LARGE1: variants seen among roughly 807,000 people sequenced by gnomAD.
LARGE1 encodes xylosyl- and glucuronyltransferase LARGE1.
A neutral mutation model predicts 87.6 loss-of-function variants in LARGE1; 43 were observed. The observed-to-expected ratio is 0.49, with a 90% CI of 0.38 to 0.63. LARGE1 has a LOEUF of 0.63. Among genes scored for constraint, LARGE1 ranks in the 30% least tolerant of loss-of-function variants. The pLI is 0.00. For synonymous variants in LARGE1, 434 were observed against 394.6 expected, an observed-to-expected ratio of 1.10 and a Z score of -1.18; for missense variants, 802 against 1,000.2, an observed-to-expected ratio of 0.80 and a Z score of 2.67.
At chr22:33,487,788 G>C (rs530355844) in intron 6 of LARGE1, among the ~76,000 whole-genome samples, 3 of 152,140 alleles carry the variant, frequency 2.0e-5, no homozygotes, top group Non-Finnish European at 2.9e-5. Context: ...GCTGCTCACT[G>C]ACGGCAAGAC....
chr22:33,292,651 G>T (rs545188062), intron 12 of LARGE1, among the ~76,000 whole-genome samples: 1 of 152,292 alleles, frequency 6.6e-6, no homozygotes, highest in Admixed American at 6.5e-5. Context: ...CTGACATATG[G>T]GATTGGAGCC....
Position 33,381,993 on chromosome 22 carries a change from G to A in LARGE1, c.1057C>T (p.Pro353Ser). Residue 353 changes from proline (P) to serine (S), a missense_variant, in exon 9 of 15, where the codon CCC becomes TCC. This residue lies in a region of LARGE1 where 625 missense variants were observed against 841.9 expected (regional missense o/e 0.74). Transcript: ENST00000397394. ...KQNPFLVYQL[P>S]CFWNVQLSDH... ...GACAGCTGCACATTCCAGAAGCAGG[G>A]GAGCTGGTACACAAGGAAGGGGTTT... The A allele has an allele frequency of 6.2e-7, 1 of 1,614,134 alleles. No homozygotes were observed. The highest frequency in any genetic ancestry group is 2.2e-5 in the East Asian group (1 of 44,864).
chr22:33,916,294 AAAAC>A lies in LARGE1; in HGVS notation c.-83+3697_-83+3700del, dbSNP rs757391744. 3.2e-3 allele frequency among the ~76,000 whole-genome samples: 493 copies of A among 152,128 alleles called. 6 individuals are homozygous for A. Among genetic ancestry groups the A allele is most frequent in the East Asian group, 3.1e-3 (16 of 5,178 alleles). On this transcript the variant is annotated intron_variant, in intron 1 of 14. Transcript: ENST00000397394. ...AGACTCCATCTCAAAAAAAAAAGAA[AAAAC>A]AAACAAACAAACAAATAGCTGAATG...
the LARGE1 span, among the ~76,000 whole-genome samples, chr22:33,136,504 A>G: frequency 3.3e-5 from 5 of 152,166 alleles, no homozygotes; most frequent in Non-Finnish European, 2.9e-5. Context: ...GGGAGCTACA[A>G]TTCAAGATGA....
chr22:33,446,535 C>T (rs979928846), intron 6 of LARGE1, among the ~76,000 whole-genome samples: 4 of 152,286 alleles, frequency 2.6e-5, no homozygotes, highest in African/African-American at 7.2e-5. Context: ...AATTGCAGGA[C>T]ACTTAGTGGG....
chr22:33,538,577 T>G (rs751450691), intron 6 of LARGE1, among the ~76,000 whole-genome samples: 1 of 152,198 alleles, frequency 6.6e-6, no homozygotes, highest in Non-Finnish European at 1.5e-5. Context: ...ATCAATTTAC[T>G]GAGCCCAGTG....
chr22:33,120,199 A>T, the LARGE1 span, among the ~76,000 whole-genome samples: 1 of 152,088 alleles, frequency 6.6e-6, no homozygotes, highest in African/African-American at 2.4e-5. Flanking sequence ...TACACTCTTA[A>T]GTCTTTTCTC....
intron 10 of LARGE1, among the ~76,000 whole-genome samples, chr22:33,337,177 G>T (rs183609630): frequency 1.3e-5 from 2 of 152,102 alleles, no homozygotes; most frequent in African/African-American, 2.4e-5. Context: ...TAGCTATGGC[G>T]GTGACTTAGT....
chr22:33,742,192 T>C (rs553057863), intron 2 of LARGE1, among the ~76,000 whole-genome samples: 8 of 152,260 alleles, frequency 5.3e-5, no homozygotes, highest in Admixed American at 2.6e-4. Context: ...GGGAAAGTCA[T>C]TGAACCTCTG....
At chr22:33,438,080 A>G (rs2067337392) in intron 6 of LARGE1, among the ~76,000 whole-genome samples, 1 of 152,162 alleles carries the variant, frequency 6.6e-6, no homozygotes, top group Non-Finnish European at 1.5e-5. Flanking sequence ...ACCAGGTGAC[A>G]GCATGGATGA....
At chr22:33,914,802 A>G (rs1181044389) in intron 1 of LARGE1, among the ~76,000 whole-genome samples, 2 of 152,144 alleles carry the variant, frequency 1.3e-5, no homozygotes, top group Non-Finnish European at 2.9e-5. Flanking sequence ...CTGGGCCTCT[A>G]AATTCCTACT....
chr22:33,652,951 T>C (rs747861622), intron 2 of LARGE1, among the ~76,000 whole-genome samples: 3 of 152,192 alleles, frequency 2.0e-5, no homozygotes, highest in Non-Finnish European at 4.4e-5. Context: ...GCAGAATTGG[T>C]AGGGGACGTG....
rs375607467 is a variant in LARGE1, at chr22:33,793,191, T to C, written c.-82-31633A>G. Among the ~76,000 whole-genome samples the C allele has an allele frequency of 4.7e-4, 72 of 152,324 alleles. 1 individual carries two copies. The highest frequency in any genetic ancestry group is 1.6e-3 in the African/African-American group (67 of 41,586). Reference sequence around the variant, plus strand: ...ATCCAAAGAAGAGCTGAAAAACATGTTCTGAAACTTTAAAATGTCAGTCTC... The same window carrying C: ...ATCCAAAGAAGAGCTGAAAAACATGCTCTGAAACTTTAAAATGTCAGTCTC... On this transcript the variant is annotated intron_variant, in intron 1 of 14. Coordinates refer to ENST00000397394, the MANE Select transcript of LARGE1 (RefSeq NM_133642.5).
intron 6 of LARGE1, among the ~76,000 whole-genome samples, chr22:33,509,835 T>C (rs1379712169): frequency 6.6e-6 from 1 of 152,192 alleles, no homozygotes. Context: ...CTCGTCTGCT[T>C]TCATTTAGAC....
At chr22:33,610,802 A>G (rs1320699701) in intron 4 of LARGE1, among the ~76,000 whole-genome samples, 2 of 152,154 alleles carry the variant, frequency 1.3e-5, no homozygotes, top group Non-Finnish European at 2.9e-5. Context: ...CTAGGAAGAA[A>G]GAATGGTTTC....
intron 5 of LARGE1, among the ~76,000 whole-genome samples, chr22:33,597,312 A>G (rs2079005157): frequency 6.6e-6 from 1 of 151,366 alleles, no homozygotes; most frequent in Admixed American, 6.6e-5. Context: ...GTAAGTATTA[A>G]GCCTTCTTCC....
the LARGE1 span, among the ~76,000 whole-genome samples, chr22:33,124,356 A>AGAAGGAAGGAAGGAAGGAAG: frequency 6.1e-3 from 422 of 69,112 alleles, 47 homozygotes; most frequent in African/African-American, 0.024. Context: ...AAGAAAGGAA[A>AGAAGGAAGGAAGGAAGGAAG]GAAGGAAGGA....
chr22:33,677,910 C>T (rs2081631040), intron 2 of LARGE1, among the ~76,000 whole-genome samples: 1 of 152,184 alleles, frequency 6.6e-6, no homozygotes, highest in Non-Finnish European at 1.5e-5. Context: ...CAGTACCAGA[C>T]ATATTTCAGA....
intron 10 of LARGE1, among the ~76,000 whole-genome samples, chr22:33,328,116 C>T (rs1323468840): frequency 1.3e-5 from 2 of 151,998 alleles, no homozygotes; most frequent in East Asian, 1.9e-4. Context: ...AATGAAGGAG[C>T]CCTGGAGAGA....
Sources: gnomAD v4.1 joint callset for allele counts (sites outside exome capture counted in the v4.1 genomes callset) on GRCh38, gnomAD v4.1.1 for gene constraint, gnomAD v4.1.1 regional missense constraint, MANE v1.5 for transcripts, NCBI Gene and HGNC (gene_info 2026-07-23, HGNC 2026-07-21) for gene names.